The following CPPED1 variants were observed in gnomAD, a reference collection of about 807,000 sequenced individuals.
CPPED1 encodes serine/threonine-protein phosphatase CPPED1.
In CPPED1, 28 loss-of-function variants were observed where a neutral mutation model predicts 28.0. The observed-to-expected ratio is 1.00, with a 90% CI of 0.74 to 1.37. The LOEUF (loss-of-function observed/expected upper bound fraction) is 1.37, where lower values mean the gene tolerates loss of function less well. Ranked by LOEUF, CPPED1 falls within the 40% of genes most tolerant of loss-of-function variation. The probability of loss-of-function intolerance (pLI) is 0.00; values close to 1 mark genes in which losing one functional copy is unlikely to be tolerated. For missense variants in CPPED1, 504 were observed against 416.5 expected, an observed-to-expected ratio of 1.21 and a Z score of -1.83; for synonymous variants, 198 against 180.2, an observed-to-expected ratio of 1.10 and a Z score of -0.79.
intron 3 of CPPED1, among the ~76,000 whole-genome samples, chr16:12,677,147 T>A (rs1409951297): frequency 6.6e-6 from 1 of 152,214 alleles, no homozygotes; most frequent in African/African-American, 2.4e-5. Flanking sequence ...CTCTTCAGCA[T>A]TTTTAATCCT....
chr16:12,797,128 C>CT (rs2080632180), intron 1 of CPPED1, among the ~76,000 whole-genome samples: 1 of 152,126 alleles, frequency 6.6e-6, no homozygotes, highest in African/African-American at 2.4e-5. Context: ...TATAAAACCA[C>CT]TTTTTTGGGA....
chr16:12,715,138 T>C (rs1355084574), intron 2 of CPPED1, among the ~76,000 whole-genome samples: 3 of 152,192 alleles, frequency 2.0e-5, no homozygotes, highest in Admixed American at 2.0e-4. Context: ...TCAATTCTAA[T>C]CCATTAATCT....
chr16:12,788,531 A>G (rs1403548387), intron 1 of CPPED1, among the ~76,000 whole-genome samples: 1 of 152,134 alleles, frequency 6.6e-6, no homozygotes, highest in Non-Finnish European at 1.5e-5. Context: ...GAGTTACTGT[A>G]ACCAGCCTTT....
intron 2 of CPPED1, among the ~76,000 whole-genome samples, chr16:12,706,436 TTC>T (rs760714385): frequency 7.2e-4 from 107 of 147,780 alleles, no homozygotes; most frequent in African/African-American, 1.3e-3. Context: ...CCTAAATACT[TTC>T]TTTCTTTCCC....
chr16:12,704,131 T>C (rs2080035171), intron 3 of CPPED1, among the ~76,000 whole-genome samples: 1 of 152,222 alleles, frequency 6.6e-6, no homozygotes. Flanking sequence ...AGCTTGACTC[T>C]TAAAGATCGT....
At chr16:12,758,042 A>T (rs1177528907) in intron 2 of CPPED1, among the ~76,000 whole-genome samples, 1 of 151,984 alleles carries the variant, frequency 6.6e-6, no homozygotes, top group Non-Finnish European at 1.5e-5. Flanking sequence ...AGAGCTGGAG[A>T]GTCAAAGAAA....
chr16:12,695,414 AC>A (rs1422410225), intron 3 of CPPED1, among the ~76,000 whole-genome samples: 3 of 147,740 alleles, frequency 2.0e-5, no homozygotes, highest in African/African-American at 7.9e-5. Context: ...ACAGGTGCAT[AC>A]TATTATGCCT....
intron 2 of CPPED1, among the ~76,000 whole-genome samples, chr16:12,769,131 C>T (rs1333341333): frequency 6.6e-6 from 1 of 152,122 alleles, no homozygotes; most frequent in East Asian, 1.9e-4. Flanking sequence ...TCCCTAAGTG[C>T]TCTGATTACA....
chr16:12,720,762 G>A (rs978821989), intron 2 of CPPED1, among the ~76,000 whole-genome samples: 5 of 152,234 alleles, frequency 3.3e-5, no homozygotes, highest in African/African-American at 9.6e-5. Flanking sequence ...ACAGGCGTGC[G>A]CCATCGTGCC....
intron 2 of CPPED1, among the ~76,000 whole-genome samples, chr16:12,769,425 G>A (rs1274423436): frequency 6.6e-6 from 1 of 152,082 alleles, no homozygotes; most frequent in Non-Finnish European, 1.5e-5. Context: ...TTAAGACGCC[G>A]AGACTTGGAA....
intron 3 of CPPED1, among the ~76,000 whole-genome samples, chr16:12,699,645 C>A (rs1315115796): frequency 6.6e-6 from 1 of 152,012 alleles, no homozygotes; most frequent in African/African-American, 2.4e-5. Flanking sequence ...GAGAGATGTG[C>A]TCTTTAAAAG....
intron 3 of CPPED1, among the ~76,000 whole-genome samples, chr16:12,674,352 C>T (rs780919657): frequency 3.3e-5 from 5 of 152,074 alleles, no homozygotes; most frequent in Non-Finnish European, 7.4e-5. Flanking sequence ...GAGTCTGAAA[C>T]GAGGAATGAG....
At chr16:12,710,846 G>A (rs1036495377) in intron 2 of CPPED1, among the ~76,000 whole-genome samples, 1 of 152,194 alleles carries the variant, frequency 6.6e-6, no homozygotes, top group Admixed American at 6.5e-5. Context: ...AACAGGTATT[G>A]GTGAGGATGT....
intron 1 of CPPED1, among the ~76,000 whole-genome samples, chr16:12,799,574 G>A (rs1366834028): frequency 6.6e-6 from 1 of 152,232 alleles, no homozygotes; most frequent in Non-Finnish European, 1.5e-5. Context: ...AACTTTCTCA[G>A]TCTGCCCAAG....
chr16:12,732,393 G>C (rs1251208192), intron 2 of CPPED1, among the ~76,000 whole-genome samples: 1 of 150,332 alleles, frequency 6.7e-6, no homozygotes, highest in Non-Finnish European at 1.5e-5. Context: ...AGAACAAGAG[G>C]TCCAATATTT....
In CPPED1 at chr16:12,727,656, A is replaced by G. The variant is rs1301643500; in HGVS notation, c.290-22607T>C. On this transcript the variant is annotated intron_variant, in intron 2 of 3. Transcript: ENST00000381774. ...GAACCACCATGCCTGACCGAAAGCCATCTGAATTCAAACATTTTAATCTGA... is the reference window on the plus strand; with the variant it reads ...GAACCACCATGCCTGACCGAAAGCCGTCTGAATTCAAACATTTTAATCTGA... Among the ~76,000 whole-genome samples, 3 of 152,310 alleles carry G rather than the reference A, an allele frequency of 2.0e-5. No homozygotes were observed. In the East Asian group the frequency reaches 5.8e-4, roughly 29 times the overall value.
chr16:12,739,066 G>A (rs528005880), intron 2 of CPPED1, among the ~76,000 whole-genome samples: 63 of 152,254 alleles, frequency 4.1e-4, no homozygotes, highest in East Asian at 1.7e-3. Flanking sequence ...GCTGCTTACC[G>A]AGCTGTGTAA....
chr16:12,672,115 G>A lies in CPPED1; in HGVS notation c.716-7000C>T, dbSNP rs532588656. Among the ~76,000 whole-genome samples the A allele has an allele frequency of 2.6e-5, 4 of 152,354 alleles. No homozygotes were observed. In the South Asian group the frequency reaches 8.3e-4, roughly 32 times the overall value. On this transcript the variant is annotated intron_variant, in intron 3 of 3. Coordinates refer to ENST00000381774, the MANE Select transcript of CPPED1 (RefSeq NM_018340.3). ...GACTACACCATCTAGGTTTGTGTAA[G>A]GACACTGTGATGTCTGCAACACTAC... is the stretch of plus-strand genomic sequence containing the variant.
intron 2 of CPPED1, among the ~76,000 whole-genome samples, chr16:12,736,847 G>C (rs1450697128): frequency 6.6e-6 from 1 of 152,096 alleles, no homozygotes; most frequent in Non-Finnish European, 1.5e-5. Context: ...GTTACGGAGG[G>C]AAACCAAGTG....
Sources: gnomAD v4.1 joint callset for allele counts (sites outside exome capture counted in the v4.1 genomes callset) on GRCh38, gnomAD v4.1.1 for gene constraint, MANE v1.5 for transcripts, NCBI Gene and HGNC (gene_info 2026-07-23, HGNC 2026-07-21) for gene names.